Variants in CACNB4 observed in about 807,000 individuals in gnomAD.
CACNB4 encodes the protein calcium voltage-gated channel auxiliary subunit beta 4.
Under a neutral mutation model 71.2 loss-of-function variants are expected in CACNB4, and 32 were observed. That is an observed-to-expected ratio of 0.45 (90% CI 0.34 to 0.60). The LOEUF is 0.60. Ranked by LOEUF, CACNB4 falls within the 20% of genes least tolerant of loss-of-function variation. The probability of loss-of-function intolerance (pLI) is 0.01; values close to 1 mark genes in which losing one functional copy is unlikely to be tolerated. For missense variants in CACNB4, 464 were observed against 647.9 expected, an observed-to-expected ratio of 0.72 and a Z score of 3.08; for synonymous variants, 231 against 236.9, an observed-to-expected ratio of 0.97 and a Z score of 0.23.
In CACNB4 at chr2:151,849,927, G is replaced by A. The variant is rs887575182; in HGVS notation, c.1116+3521C>T. 2.0e-5 allele frequency among the ~76,000 whole-genome samples: 3 copies of A among 152,088 alleles called. No individual in the cohort carries two copies. In the South Asian group the frequency reaches 6.2e-4, roughly 32 times the overall value. ...CTCTACGAAGTTTGATTGGAACACA[G>A]CTACACCCATTTGTTTACACACTGT... On this transcript the variant is annotated intron_variant, in intron 12 of 13. Transcript: ENST00000539935.
At chr2:151,951,377 G>A (rs2099866879) in intron 2 of CACNB4, among the ~76,000 whole-genome samples, 1 of 151,838 alleles carries the variant, frequency 6.6e-6, no homozygotes, top group South Asian at 2.1e-4. Flanking sequence ...TGACTCAAGT[G>A]CTAGATGGCT....
In CACNB4 at chr2:152,099,038, C is replaced by G. The variant is rs770619612; in HGVS notation, c.-27G>C. The G allele has an allele frequency of 1.1e-5, 16 of 1,499,098 alleles. No individual in the cohort carries two copies. The highest frequency in any genetic ancestry group is 2.7e-5 in the East Asian group (1 of 36,726). 92.9% of individuals were successfully genotyped at this position (1,499,098 alleles called of 1,614,324 possible). ...GTTCAGAGCCGCCGCATGGCCAGCC[C>G]GTGTGCGGTGGGCGGAGGGGGCTGG... is the stretch of plus-strand genomic sequence containing the variant. On this transcript the variant is annotated 5_prime_UTR_variant, in exon 1 of 14. Transcript: ENST00000539935.
At chr2:151,978,443 A>G (rs1248996550) in intron 2 of CACNB4, among the ~76,000 whole-genome samples, 1 of 152,134 alleles carries the variant, frequency 6.6e-6, no homozygotes, top group Non-Finnish European at 1.5e-5. Flanking sequence ...ACCATGAAGC[A>G]AAGTGCTTAT....
intron 2 of CACNB4, among the ~76,000 whole-genome samples, chr2:152,052,444 A>G (rs2105297203): frequency 6.6e-6 from 1 of 152,194 alleles, no homozygotes; most frequent in African/African-American, 2.4e-5. Flanking sequence ...GACTACAGGC[A>G]CACCATTCCT....
intron 2 of CACNB4, among the ~76,000 whole-genome samples, chr2:152,069,975 T>TAA (rs1490377594): frequency 6.6e-6 from 1 of 151,432 alleles, no homozygotes. Flanking sequence ...CCTGAGTAGC[T>TAA]GCGACTACAG....
At chr2:152,006,060 C>T (rs565668367) in intron 2 of CACNB4, among the ~76,000 whole-genome samples, 9 of 152,340 alleles carry the variant, frequency 5.9e-5, no homozygotes, top group Non-Finnish European at 1.2e-4. Flanking sequence ...TACCCATAAT[C>T]TTCTAGTGCT....
Position 152,098,471 on chromosome 2 carries a change from G to A in CACNB4, c.64-58C>T, listed in dbSNP as rs34347895. The A allele has an allele frequency of 2.7e-6, 4 of 1,500,976 alleles. No individual in the cohort carries two copies. Among genetic ancestry groups the A allele is most frequent in the Non-Finnish European group, 3.7e-6 (4 of 1,078,124 alleles). The allele number at this position is 1,500,976 out of a possible 1,614,324, so 93.0% of individuals were successfully genotyped here. On this transcript the variant is annotated intron_variant, in intron 1 of 13. Transcript: ENST00000539935. This position sits in a 1 kb window ranked among gnomAD's most constrained non-coding sequence, Gnocchi z 5.3. ...CGGTGAGGACCGCAGCGCAGAGCGG[G>A]GCGACCACCCCCGGCTGGAGTCCGC... is the stretch of plus-strand genomic sequence containing the variant.
intron 2 of CACNB4, among the ~76,000 whole-genome samples, chr2:151,911,489 G>A (rs547861027): frequency 4.6e-5 from 7 of 151,716 alleles, no homozygotes; most frequent in South Asian, 2.1e-4. Flanking sequence ...AATGACTTGC[G>A]TATGTTGAAC....
At chr2:151,930,809 G>A (rs1182551533) in intron 2 of CACNB4, among the ~76,000 whole-genome samples, 8 of 151,930 alleles carry the variant, frequency 5.3e-5, no homozygotes, top group Admixed American at 5.2e-4. Context: ...TTTACATACA[G>A]TATATATGTA....
intron 2 of CACNB4, among the ~76,000 whole-genome samples, chr2:152,074,526 CCAT>C (rs1356681635): frequency 6.6e-6 from 1 of 151,454 alleles, no homozygotes; most frequent in African/African-American, 2.4e-5. Context: ...ACTGCCACCA[CCAT>C]CACCACCAGC....
At chr2:152,082,339 G>C (rs147113662) in intron 2 of CACNB4, among the ~76,000 whole-genome samples, 1 of 152,146 alleles carries the variant, frequency 6.6e-6, no homozygotes, top group African/African-American at 2.4e-5. Context: ...CTGAATGGCC[G>C]TATGTTGTAT....
intron 2 of CACNB4, among the ~76,000 whole-genome samples, chr2:151,952,928 C>T (rs1461861196): frequency 2.0e-5 from 3 of 152,166 alleles, no homozygotes; most frequent in East Asian, 1.9e-4. Flanking sequence ...TTTGCTAGCA[C>T]GGTCTTCAAG....
chr2:151,982,698 C>T (rs2099874943), intron 2 of CACNB4, among the ~76,000 whole-genome samples: 1 of 148,668 alleles, frequency 6.7e-6, no homozygotes, highest in Admixed American at 6.7e-5. Flanking sequence ...GCTGATGAAA[C>T]AACTTCCAGC....
chr2:151,984,476 G>C (rs537737294), intron 2 of CACNB4, among the ~76,000 whole-genome samples: 1 of 152,256 alleles, frequency 6.6e-6, no homozygotes, highest in African/African-American at 2.4e-5. Context: ...TTTTGAAAGA[G>C]ATATCTTCTA....
chr2:151,969,772 T>C (rs1230935491), intron 2 of CACNB4: 1 of 152,256 alleles, frequency 6.6e-6, no homozygotes, highest in Non-Finnish European at 1.5e-5. Context: ...AATTTAAGTA[T>C]GTGCTTTTAT....
intron 2 of CACNB4, among the ~76,000 whole-genome samples, chr2:151,992,389 A>G (rs1387417623): frequency 6.6e-6 from 1 of 152,280 alleles, no homozygotes; most frequent in African/African-American, 2.4e-5. Flanking sequence ...ATTAATAAAC[A>G]GTGCACATTT....
intron 9 of CACNB4, 172 bp downstream of exon 9, chr2:151,869,005 A>G (rs1337202277): frequency 1.1e-5 from 6 of 542,584 alleles, no homozygotes; most frequent in Non-Finnish European, 2.0e-5. Context: ...TGGGGACTCA[A>G]TGTTATACTT....
In CACNB4 at chr2:152,080,932, C is replaced by CA. The variant is rs531136325; in HGVS notation, c.147+17397_147+17398insT. 1.2e-4 allele frequency among the ~76,000 whole-genome samples: 19 copies of CA among 152,264 alleles called. No individual in the cohort carries two copies. In the East Asian group the frequency reaches 3.7e-3, roughly 29 times the overall value. On this transcript the variant is annotated intron_variant, in intron 2 of 13. Coordinates refer to ENST00000539935, the MANE Select transcript of CACNB4 (RefSeq NM_000726.5). Reference sequence around the variant, plus strand: ...ATGTGATATGTCTGCTCCCCCTTCACCTTCCACCATGACTGGAAGCTTGCT... The same window carrying CA: ...ATGTGATATGTCTGCTCCCCCTTCACACTTCCACCATGACTGGAAGCTTGCT...
At chr2:152,063,400 CAG>C (rs1686124649) in intron 2 of CACNB4, among the ~76,000 whole-genome samples, 1 of 152,126 alleles carries the variant, frequency 6.6e-6, no homozygotes, top group Non-Finnish European at 1.5e-5. Flanking sequence ...GAAACTGAGG[CAG>C]AGAGTGATTA....
Sources: gnomAD v4.1 joint callset for allele counts (sites outside exome capture counted in the v4.1 genomes callset) on GRCh38, gnomAD v4.1.1 for gene constraint, Gnocchi (gnomAD v3.1) non-coding constraint, MANE v1.5 for transcripts, NCBI Gene and HGNC (gene_info 2026-07-23, HGNC 2026-07-21) for gene names.